UBE2G2: variants seen among roughly 807,000 people sequenced by gnomAD.
UBE2G2 encodes the protein ubiquitin-conjugating enzyme E2 G2.
In UBE2G2, 10 loss-of-function variants were observed where a neutral mutation model predicts 23.0. The observed-to-expected ratio is 0.43, with a 90% CI of 0.27 to 0.74. The LOEUF (loss-of-function observed/expected upper bound fraction) is 0.74, where lower values mean the gene tolerates loss of function less well. UBE2G2 is among the 30% of genes least tolerant of loss of function. UBE2G2 has a pLI of 0.19. For missense variants in UBE2G2, 150 were observed against 218.3 expected (o/e 0.69, Z 1.97); for synonymous variants, 86 against 81.3 (o/e 1.06, Z -0.31).
chr21:44,772,788 C>T lies in UBE2G2; in HGVS notation c.385+759G>A, dbSNP rs2082883558. On this transcript the variant is annotated intron_variant, in intron 5 of 5. Transcript: ENST00000345496. This position sits in a 1 kb window ranked among gnomAD's most constrained non-coding sequence, Gnocchi z 5.4. ...TTAGCCCTGGGACCACTCAGCCCTT[C>T]TCTTTTCTCTCCAGGCTACTGCAAC... 6.6e-6 allele frequency among the ~76,000 whole-genome samples: 1 copy of T among 152,194 alleles called. No homozygotes were observed. Among genetic ancestry groups the T allele is most frequent in the Non-Finnish European group, 1.5e-5 (1 of 68,032 alleles).
Position 44,771,301 on chromosome 21 carries a change from ATCACTGT to A in UBE2G2, c.*69_*75del. 1 of 1,385,570 alleles carries A rather than the reference ATCACTGT, an allele frequency of 7.2e-7. No homozygotes were observed. 85.8% of individuals were successfully genotyped at this position (1,385,570 alleles called of 1,614,324 possible). A position where few individuals can be genotyped will look rare whatever the true frequency, so the allele number is the denominator to read the frequency against. ...GCCTTGTTTGGTACCAGCACAGAGC[ATCACTGT>A]CACTAAGTGTGCCGGGGGAGAATGC... On this transcript the variant is annotated 3_prime_UTR_variant, in exon 6 of 6. Coordinates refer to ENST00000345496, the MANE Select transcript of UBE2G2 (RefSeq NM_003343.6). This position sits in a 1 kb window ranked among gnomAD's most constrained non-coding sequence, Gnocchi z 4.6.
At chr21:44,782,993 T>C (rs1282172622) in intron 3 of UBE2G2, among the ~76,000 whole-genome samples, 1 of 151,848 alleles carries the variant, frequency 6.6e-6, no homozygotes, top group Non-Finnish European at 1.5e-5. Flanking sequence ...AAATGGAGAG[T>C]TGCAGATTGG....
Position 44,769,954 on chromosome 21 carries a change from G to C in UBE2G2, c.*1423C>G, listed in dbSNP as rs1284017538. 6.6e-6 allele frequency: 1 copy of C among 152,270 alleles called. No homozygotes were observed. Among genetic ancestry groups the C allele is most frequent in the Admixed American group, 6.5e-5 (1 of 15,290 alleles). 9.4% of individuals were successfully genotyped at this position (152,270 alleles called of 1,614,324 possible). A position where few individuals can be genotyped will look rare whatever the true frequency, so the allele number is the denominator to read the frequency against. Reference sequence around the variant, plus strand: ...ATTTGCTTCTGCATGTGGCAGATCTGTTATTGCTTACACTGTGGCCTCCTG... The same window carrying C: ...ATTTGCTTCTGCATGTGGCAGATCTCTTATTGCTTACACTGTGGCCTCCTG... On this transcript the variant is annotated 3_prime_UTR_variant, in exon 6 of 6. Coordinates refer to ENST00000345496, the MANE Select transcript of UBE2G2 (RefSeq NM_003343.6).
At chr21:44,775,241 G>A (rs2082905041) in intron 4 of UBE2G2, 1 of 152,864 alleles carries the variant, frequency 6.5e-6, no homozygotes, top group Non-Finnish European at 1.5e-5. Context: ...GAATCACTCA[G>A]GTAACTCCTG....
intron 3 of UBE2G2, among the ~76,000 whole-genome samples, chr21:44,784,769 C>T (rs1473743766): frequency 6.6e-6 from 1 of 152,162 alleles, no homozygotes; most frequent in Non-Finnish European, 1.5e-5. Context: ...CCAAACACAC[C>T]ATTCAGTAAA....
rs2082867791 is a variant in UBE2G2, at chr21:44,770,851, GA to G, written c.*525del. ...ATGAAAAGATGTAATTAGATTATAAGAAAAGCATCTGCCTGTAAAATATGAA... is the reference window on the plus strand; with the variant it reads ...ATGAAAAGATGTAATTAGATTATAAGAAAGCATCTGCCTGTAAAATATGAA... On this transcript the variant is annotated 3_prime_UTR_variant, in exon 6 of 6. Transcript: ENST00000345496. 1 of 152,466 alleles carries G rather than the reference GA, an allele frequency of 6.6e-6. No individual in the cohort carries two copies. Among genetic ancestry groups the G allele is most frequent in the South Asian group, 2.1e-4 (1 of 4,840 alleles). The allele number at this position is 152,466 out of a possible 1,614,324, so 9.4% of individuals were successfully genotyped here. A position where few individuals can be genotyped will look rare whatever the true frequency, so the allele number is the denominator to read the frequency against.
At chr21:44,776,502 T>C (rs782439968) in intron 4 of UBE2G2, among the ~76,000 whole-genome samples, 4 of 152,220 alleles carry the variant, frequency 2.6e-5, no homozygotes, top group Non-Finnish European at 5.9e-5. Flanking sequence ...GTATCATTGA[T>C]TCTTCTTTTA....
At chr21:44,773,799 G>A in intron 4 of UBE2G2, 112 bp from the exon 5 acceptor site, 1 of 1,434,504 alleles carries the variant, frequency 7.0e-7, no homozygotes, top group African/African-American at 1.4e-5. Flanking sequence ...CAGCAACCAA[G>A]CTGTTTGCAC....
At chr21:44,792,327 C>T (rs1555963037) in intron 1 of UBE2G2, among the ~76,000 whole-genome samples, 4 of 152,064 alleles carry the variant, frequency 2.6e-5, no homozygotes. Flanking sequence ...CATGGTTTGG[C>T]TTTGTGTCCC....
rs563723950 is a variant in UBE2G2, at chr21:44,790,632, A to G, written c.44-2537T>C. Among the ~76,000 whole-genome samples, 5 of 152,262 alleles carry G rather than the reference A, an allele frequency of 3.3e-5. No individual in the cohort carries two copies. In the South Asian group the frequency reaches 6.2e-4, roughly 19 times the overall value. On this transcript the variant is annotated intron_variant, in intron 1 of 5. Coordinates refer to ENST00000345496, the MANE Select transcript of UBE2G2 (RefSeq NM_003343.6). ...TCCTCCTTCACTCTTCTTTCTTGCC[A>G]CCTTGTGAAGAAGGTGCTTGCTTCC...
chr21:44,773,205 T>C (rs973048412), intron 5 of UBE2G2, among the ~76,000 whole-genome samples: 4 of 152,160 alleles, frequency 2.6e-5, no homozygotes, highest in Non-Finnish European at 5.9e-5. Context: ...CCCTAGAACG[T>C]AGGAACAAAG....
At chr21:44,781,810 G>C (rs1287115324) in intron 3 of UBE2G2, among the ~76,000 whole-genome samples, 1 of 152,270 alleles carries the variant, frequency 6.6e-6, no homozygotes, top group Non-Finnish European at 1.5e-5. Flanking sequence ...GGAAGAAAAG[G>C]GGGAACATTT....
chr21:44,786,039 T>C (rs529384005), intron 3 of UBE2G2, among the ~76,000 whole-genome samples: 10 of 151,496 alleles, frequency 6.6e-5, no homozygotes, highest in Non-Finnish European at 1.2e-4. Flanking sequence ...CAACTGTTCC[T>C]TTAATGAGCT....
At chr21:44,784,403 T>G (rs1294889456) in intron 3 of UBE2G2, among the ~76,000 whole-genome samples, 1 of 148,274 alleles carries the variant, frequency 6.7e-6, no homozygotes, top group African/African-American at 2.4e-5. Context: ...AACAGTGATG[T>G]TTCCTTTTTT....
rs557395406 is a variant in UBE2G2, at chr21:44,779,137, C to T, written c.126-1720G>A. ...AAAGAAACTGAACGAAGAGCTTTAG[C>T]TTTCACCTGGAGGCGGCACTCAGGG... On this transcript the variant is annotated intron_variant, in intron 3 of 5. Coordinates refer to ENST00000345496, the MANE Select transcript of UBE2G2 (RefSeq NM_003343.6). 119 of 358,254 alleles carry T rather than the reference C, an allele frequency of 3.3e-4. 2 individuals carry two copies. Among genetic ancestry groups the T allele is most frequent in the South Asian group, 2.3e-3 (116 of 51,058 alleles). The allele number at this position is 358,254 out of a possible 1,614,324, so 22.2% of individuals were successfully genotyped here.
At chr21:44,783,261 A>T (rs1341262347) in intron 3 of UBE2G2, among the ~76,000 whole-genome samples, 1 of 152,242 alleles carries the variant, frequency 6.6e-6, no homozygotes, top group Non-Finnish European at 1.5e-5. Context: ...ATCAGACAAC[A>T]GCAGTGTTGG....
chr21:44,790,964 G>A (rs1464323944), intron 1 of UBE2G2, among the ~76,000 whole-genome samples: 1 of 152,190 alleles, frequency 6.6e-6, no homozygotes, highest in African/African-American at 2.4e-5. Flanking sequence ...CCAAAATGCT[G>A]ATAGTGACAT....
intron 1 of UBE2G2, among the ~76,000 whole-genome samples, chr21:44,798,643 A>C (rs782571437): frequency 1.4e-4 from 21 of 152,346 alleles, no homozygotes; most frequent in Middle Eastern, 3.4e-3. Flanking sequence ...AAGTTTGATC[A>C]TGAGATTGTA....
chr21:44,795,458 C>G (rs1449242367), intron 1 of UBE2G2, among the ~76,000 whole-genome samples: 1 of 151,782 alleles, frequency 6.6e-6, no homozygotes, highest in African/African-American at 2.4e-5. Context: ...ATGGCGAAAC[C>G]CTATCTCTAC....
Sources: allele counts gnomAD v4.1 joint callset (sites outside exome capture counted in the v4.1 genomes callset), GRCh38; gene constraint gnomAD v4.1.1; non-coding constraint Gnocchi (gnomAD v3.1); transcripts MANE v1.5; gene names NCBI Gene and HGNC (gene_info 2026-07-23, HGNC 2026-07-21).